The following NFIX variants were observed in gnomAD, a reference collection of about 807,000 sequenced individuals.
NFIX encodes the protein nuclear factor 1 X-type.
In NFIX, 2 loss-of-function variants were observed where a neutral mutation model predicts 53.3. The ratio of observed to expected loss-of-function variants is 0.04; its 90% confidence interval spans 0.02 to 0.12. The LOEUF is 0.12. Ranked by LOEUF, NFIX falls within the 10% of genes least tolerant of loss-of-function variation. NFIX has a pLI of 1.00. For missense variants in NFIX, 310 were observed against 674.5 expected, an observed-to-expected ratio of 0.46 and a Z score of 5.99; for synonymous variants, 244 against 289.0, an observed-to-expected ratio of 0.84 and a Z score of 1.58.
At chr19:13,023,258 TCA>T (rs1364356800) in intron 1 of NFIX, among the ~76,000 whole-genome samples, 1 of 147,496 alleles carries the variant, frequency 6.8e-6, no homozygotes. Context: ...ACGCGCACAC[TCA>T]CACACACGCC....
At chr19:13,085,556 C>CGA (rs2017730031) in intron 8 of NFIX, among the ~76,000 whole-genome samples, 1 of 152,256 alleles carries the variant, frequency 6.6e-6, no homozygotes, top group African/African-American at 2.4e-5. Flanking sequence ...CCCCCACGCT[C>CGA]TGACCTGCAC....
intron 2 of NFIX, among the ~76,000 whole-genome samples, chr19:13,065,551 G>A (rs959389160): frequency 1.3e-5 from 2 of 152,172 alleles, no homozygotes; most frequent in African/African-American, 4.8e-5. Flanking sequence ...TGCTGTGGCT[G>A]GGGGTCTCAT....
chr19:13,047,026 C>G (rs1199753199), intron 2 of NFIX, among the ~76,000 whole-genome samples: 1 of 152,168 alleles, frequency 6.6e-6, no homozygotes, highest in African/African-American at 2.4e-5. Flanking sequence ...GCTGCCAGAT[C>G]TGGAACTTGA....
intron 2 of NFIX, chr19:13,070,836 C>A (rs757633788): frequency 6.6e-6 from 1 of 152,322 alleles, no homozygotes; most frequent in African/African-American, 2.4e-5. Flanking sequence ...CTGTCTGTCG[C>A]GCTCTCCTGG....
intron 1 of NFIX, among the ~76,000 whole-genome samples, chr19:13,023,728 C>A (rs1181668490): frequency 1.3e-5 from 2 of 149,676 alleles, no homozygotes; most frequent in Non-Finnish European, 3.0e-5. Context: ...TGGCAGCCGG[C>A]TCGCTCCCTC....
Position 13,036,211 on chromosome 19 carries a change from C to T in NFIX, c.559+10659C>T, listed in dbSNP as rs752806781. 3.3e-5 allele frequency among the ~76,000 whole-genome samples: 5 copies of T among 152,190 alleles called. No individual in the cohort carries two copies. Among genetic ancestry groups the T allele is most frequent in the South Asian group, 2.1e-4 (1 of 4,832 alleles). ...TCCTAGGAAGGCGAGGGCTCTCCTT[C>T]GTGTGGAGTAGACCCTTCGCCAACT... On this transcript the variant is annotated intron_variant, in intron 2 of 10. Coordinates refer to ENST00000592199, the MANE Select transcript of NFIX (RefSeq NM_001365902.3). This position sits in a 1 kb window ranked among gnomAD's most constrained non-coding sequence, Gnocchi z 4.7.
rs1020077185 is a variant in NFIX, at chr19:13,093,445, C to G, written c.1495-1190C>G. Among the ~76,000 whole-genome samples the G allele has an allele frequency of 6.6e-6, 1 of 152,164 alleles. No homozygotes were observed. Among genetic ancestry groups the G allele is most frequent in the African/African-American group, 2.4e-5 (1 of 41,442 alleles). On this transcript the variant is annotated intron_variant, in intron 10 of 10. Transcript: ENST00000592199. This position sits in a 1 kb window ranked among gnomAD's most constrained non-coding sequence, Gnocchi z 4.7. ...GCTGCCCTGGGCCCTCACCCTGACCCTAGGCAGGGCACAGGCATTCTGGCC... is the reference window on the plus strand; with the variant it reads ...GCTGCCCTGGGCCCTCACCCTGACCGTAGGCAGGGCACAGGCATTCTGGCC...
chr19:13,079,178 G>A (rs1471174960), intron 7 of NFIX, among the ~76,000 whole-genome samples: 1 of 152,228 alleles, frequency 6.6e-6, no homozygotes, highest in Admixed American at 6.5e-5. Flanking sequence ...TTGATGTGGG[G>A]CCTGGATGGA....
rs1023521158 is a variant in NFIX, at chr19:13,043,066, A to G, written c.559+17514A>G. Reference sequence around the variant, plus strand: ...GCACATACATGTCATGTCAGGATGCACTTTTACAAGTCAAGTCTCCCATCC... The same window carrying G: ...GCACATACATGTCATGTCAGGATGCGCTTTTACAAGTCAAGTCTCCCATCC... On this transcript the variant is annotated intron_variant, in intron 2 of 10. Coordinates refer to ENST00000592199, the MANE Select transcript of NFIX (RefSeq NM_001365902.3). The surrounding 1 kb of genome is among the most constrained non-coding windows in gnomAD (Gnocchi z 4.0). 6.6e-6 allele frequency among the ~76,000 whole-genome samples: 1 copy of G among 152,170 alleles called. No individual in the cohort carries two copies. Among genetic ancestry groups the G allele is most frequent in the Non-Finnish European group, 1.5e-5 (1 of 68,016 alleles).
intron 1 of NFIX, among the ~76,000 whole-genome samples, chr19:13,008,433 G>A (rs2012143728): frequency 6.6e-6 from 1 of 152,200 alleles, no homozygotes; most frequent in African/African-American, 2.4e-5. Context: ...TAAACCTGGT[G>A]TGTTTTCATC....
rs375370910 is a variant in NFIX at position 12,998,280 on chromosome 19, G to C, written c.27+2416G>C. Among the ~76,000 whole-genome samples the C allele has an allele frequency of 6.7e-6, 1 of 149,904 alleles. No homozygotes were observed. Among genetic ancestry groups the C allele is most frequent in the East Asian group, 2.0e-4 (1 of 5,076 alleles). On this transcript the variant is annotated intron_variant, in intron 1 of 10. Coordinates refer to ENST00000592199, the MANE Select transcript of NFIX (RefSeq NM_001365902.3). This position sits in a 1 kb window ranked among gnomAD's most constrained non-coding sequence, Gnocchi z 4.4. ...CTGCTCCCCCCTCCACTGGCGTCTCGGACTCTCTCTCTCTCTGTCTCTCTG... is the reference window on the plus strand; with the variant it reads ...CTGCTCCCCCCTCCACTGGCGTCTCCGACTCTCTCTCTCTCTGTCTCTCTG...
chr19:13,018,118 T>C (rs1159359727), intron 1 of NFIX, among the ~76,000 whole-genome samples: 3 of 152,152 alleles, frequency 2.0e-5, no homozygotes, highest in Non-Finnish European at 4.4e-5. Context: ...CCATTCCTTG[T>C]AGAGGATGAG....
Position 13,066,571 on chromosome 19 carries a change from C to T in NFIX, c.560-6476C>T, listed in dbSNP as rs561978742. ...GAGGGAATGAGGAAAGGGGAGAGGA[C>T]GATAATGGGGTGACATGTTCCCCTG... On this transcript the variant is annotated intron_variant, in intron 2 of 10. Coordinates refer to ENST00000592199, the MANE Select transcript of NFIX (RefSeq NM_001365902.3). The surrounding 1 kb of genome is among the most constrained non-coding windows in gnomAD (Gnocchi z 4.2). Among the ~76,000 whole-genome samples, 4 of 152,200 alleles carry T rather than the reference C, an allele frequency of 2.6e-5. No homozygotes were observed. The highest frequency in any genetic ancestry group is 4.4e-5 in the Non-Finnish European group (3 of 67,996).
chr19:13,012,101 T>G lies in NFIX; in HGVS notation c.28-12920T>G, dbSNP rs2012383694. The G allele has an allele frequency of 6.6e-6, 1 of 151,942 alleles. No individual in the cohort carries two copies. The highest frequency in any genetic ancestry group is 2.1e-4 in the South Asian group (1 of 4,808). 9.4% of individuals were successfully genotyped at this position (151,942 alleles called of 1,614,324 possible). A position where few individuals can be genotyped will look rare whatever the true frequency, so the allele number is the denominator to read the frequency against. Reference sequence around the variant, plus strand: ...GGGGCCGCGGGACACGAGCGGGCCGTGCGCAAAGCCTGGCGCGCGCGTGCG... The same window carrying G: ...GGGGCCGCGGGACACGAGCGGGCCGGGCGCAAAGCCTGGCGCGCGCGTGCG... On this transcript the variant is annotated intron_variant, in intron 1 of 10. Transcript: ENST00000592199. This position sits in a 1 kb window ranked among gnomAD's most constrained non-coding sequence, Gnocchi z 5.0.
rs1359190186 is a variant in NFIX, at chr19:13,088,715, T to C, written c.1402+579T>C. 1.3e-5 allele frequency among the ~76,000 whole-genome samples: 2 copies of C among 151,732 alleles called. No homozygotes were observed. Among genetic ancestry groups the C allele is most frequent in the African/African-American group, 4.9e-5 (2 of 41,210 alleles). The stretch of plus-strand genomic sequence containing the variant: ...TTTGGTTTCTCGTTGTTCCTCTTTT[T>C]TTTTCCCCCCCTTCCATCCCTCTCC... On this transcript the variant is annotated intron_variant, in intron 9 of 10. Coordinates refer to ENST00000592199, the MANE Select transcript of NFIX (RefSeq NM_001365902.3). The surrounding 1 kb of genome is among the most constrained non-coding windows in gnomAD (Gnocchi z 5.9).
At position 13,025,393 on chromosome 19, in the gene NFIX, G is replaced by A. The variant is rs929589127; in HGVS notation, c.400G>A (p.Val134Met). Residue 134 changes from valine (V) to methionine (M), a missense_variant, in exon 2 of 11, where the codon GTG becomes ATG. Val to Met is a conservative substitution (Grantham distance 21). This residue lies in a region of NFIX where 3 missense variants were observed against 57.4 expected (regional missense o/e 0.05). Coordinates refer to ENST00000592199, the MANE Select transcript of NFIX (RefSeq NM_001365902.3). This position sits in a 1 kb window ranked among gnomAD's most constrained non-coding sequence, Gnocchi z 7.5. ...DKVWRLDLVM[V>M]ILFKGIPLES... ...GGTGTGGCGGCTGGACCTGGTCATGGTGATTTTGTTTAAGGGGATCCCCCT... is the reference window on the plus strand; with the variant it reads ...GGTGTGGCGGCTGGACCTGGTCATGATGATTTTGTTTAAGGGGATCCCCCT... 1 of 1,613,940 alleles carries A rather than the reference G, an allele frequency of 6.2e-7. No individual in the cohort carries two copies. The highest frequency in any genetic ancestry group is 1.7e-5 in the Admixed American group (1 of 60,018).
At chr19:13,042,142 G>C (rs1438032522) in intron 2 of NFIX, among the ~76,000 whole-genome samples, 1 of 151,020 alleles carries the variant, frequency 6.6e-6, no homozygotes, top group South Asian at 2.1e-4. Flanking sequence ...TCCTGACCTC[G>C]TGATCCGCCT....
chr19:13,004,483 C>T (rs900744050), intron 1 of NFIX, among the ~76,000 whole-genome samples: 1 of 152,164 alleles, frequency 6.6e-6, no homozygotes, highest in Non-Finnish European at 1.5e-5. Context: ...AGCCACACCC[C>T]CACACATATT....
In NFIX at chr19:12,996,017, G is replaced by A. The variant is rs934424760; in HGVS notation, c.27+153G>A. ...TGCAGGCTGTGCCGCGGGGAGCCCAGGCACGCGTGCGGGCGTCACCGTGCG... is the reference window on the plus strand; with the variant it reads ...TGCAGGCTGTGCCGCGGGGAGCCCAAGCACGCGTGCGGGCGTCACCGTGCG... On this transcript the variant is annotated intron_variant, in intron 1 of 10. Coordinates refer to ENST00000592199, the MANE Select transcript of NFIX (RefSeq NM_001365902.3). This position sits in a 1 kb window ranked among gnomAD's most constrained non-coding sequence, Gnocchi z 5.2. Among the ~76,000 whole-genome samples, 2 of 150,678 alleles carry A rather than the reference G, an allele frequency of 1.3e-5. No homozygotes were observed. The highest frequency in any genetic ancestry group is 2.4e-5 in the African/African-American group (1 of 41,178).
Sources: gnomAD v4.1 joint callset for allele counts (sites outside exome capture counted in the v4.1 genomes callset) on GRCh38, gnomAD v4.1.1 for gene constraint, gnomAD v4.1.1 regional missense constraint, Gnocchi (gnomAD v3.1) non-coding constraint, MANE v1.5 for transcripts, NCBI Gene and HGNC (gene_info 2026-07-23, HGNC 2026-07-21) for gene names.